The following ZBTB11 variants were observed in gnomAD, a reference collection of about 807,000 sequenced individuals.
ZBTB11 encodes the protein zinc finger and BTB domain-containing protein 11.
Under a neutral mutation model 113.1 loss-of-function variants are expected in ZBTB11, and 68 were observed. That is an observed-to-expected ratio of 0.60 (90% CI 0.49 to 0.74). The LOEUF (loss-of-function observed/expected upper bound fraction) is 0.74, where lower values mean the gene tolerates loss of function less well. Ranked by LOEUF, ZBTB11 falls within the 30% of genes least tolerant of loss-of-function variation. ZBTB11 has a pLI of 0.00. For missense variants in ZBTB11, 1,104 were observed against 1,279.4 expected (o/e 0.86, Z 2.09); for synonymous variants, 518 against 452.6 (o/e 1.14, Z -1.83).
chr3:101,659,751 T>C (rs1936855705), intron 6 of ZBTB11, 32 bp downstream of exon 6: 1 of 1,610,174 alleles, frequency 6.2e-7, no homozygotes, highest in Non-Finnish European at 8.5e-7. Context: ...TCTAATGTTC[T>C]TTAAATAGCA....
rs558794207 is a variant in ZBTB11, at chr3:101,649,962, T to C, written c.*1204A>G. ...TAGTTTCCCAGAGAGAAATGTGGCATCTCTCATGGTTATTTTCAAAGTCAG... is the reference window on the plus strand; with the variant it reads ...TAGTTTCCCAGAGAGAAATGTGGCACCTCTCATGGTTATTTTCAAAGTCAG... On this transcript the variant is annotated 3_prime_UTR_variant, in exon 11 of 11. Coordinates refer to ENST00000312938, the MANE Select transcript of ZBTB11 (RefSeq NM_014415.4). 1 of 152,642 alleles carries C rather than the reference T, an allele frequency of 6.6e-6. No individual in the cohort carries two copies. The highest frequency in any genetic ancestry group is 1.5e-5 in the Non-Finnish European group (1 of 68,006). 9.5% of individuals were successfully genotyped at this position (152,642 alleles called of 1,614,324 possible).
rs755356274 is a variant in ZBTB11, at chr3:101,665,393, T to C, written c.1194A>G (p.Ser398=). 6.2e-7 allele frequency: 1 copy of C among 1,614,212 alleles called. No individual in the cohort carries two copies. The highest frequency in any genetic ancestry group is 8.5e-7 in the Non-Finnish European group (1 of 1,180,028). Residue 398 remains serine (S), a synonymous_variant, in exon 4 of 11, where the codon TCA becomes TCG. Coordinates refer to ENST00000312938, the MANE Select transcript of ZBTB11 (RefSeq NM_014415.4). ...VSSEAESALS[S]VGCIADSHPE... Reference sequence around the variant, plus strand: ...GATGGGAATCAGCTATACATCCTACTGATGACAGGGCAGATTCAGCCTCTG... The same window carrying C: ...GATGGGAATCAGCTATACATCCTACCGATGACAGGGCAGATTCAGCCTCTG...
intron 1 of ZBTB11, among the ~76,000 whole-genome samples, chr3:101,672,675 C>T (rs1391927126): frequency 6.6e-6 from 1 of 152,222 alleles, no homozygotes; most frequent in African/African-American, 2.4e-5. Flanking sequence ...TGAGATTGTG[C>T]CACTGCACTC....
In ZBTB11 at chr3:101,655,067, C is replaced by T. The variant is rs187178916; in HGVS notation, c.2192-246G>A. Among the ~76,000 whole-genome samples, 11 of 152,116 alleles carry T rather than the reference C, an allele frequency of 7.2e-5. 1 individual carries two copies. The East Asian group carries it at 1.7e-3, about 24-fold the overall frequency. ...TAATTTTTTGTATTTTTAGTAGAGA[C>T]GGGTTTCACCATGTTAGCCAGGAGC... is the stretch of plus-strand genomic sequence containing the variant. On this transcript the variant is annotated intron_variant, in intron 7 of 10. Transcript: ENST00000312938.
chr3:101,676,386 A>C (rs2108331068), intron 1 of ZBTB11: 1 of 461,620 alleles, frequency 2.2e-6, no homozygotes. Context: ...CCTTGGTCCC[A>C]CCCAGGGCCA....
rs56200814 is a variant in ZBTB11, at chr3:101,651,685, T to TAAA, written c.2645-5_2645-3dup. 4.3e-4 allele frequency: 582 copies of TAAA among 1,349,920 alleles called. No homozygotes were observed. The highest frequency in any genetic ancestry group is 1.4e-3 in the South Asian group (77 of 53,666). The allele number at this position is 1,349,920 out of a possible 1,614,324, so 83.6% of individuals were successfully genotyped here. A position where few individuals can be genotyped will look rare whatever the true frequency, so the allele number is the denominator to read the frequency against. On this transcript the variant is annotated splice_region_variant and splice_polypyrimidine_tract_variant and intron_variant, in intron 10 of 10. Transcript: ENST00000312938. ...TTAAGCACTCAAATGGCTTAACTCC[T>TAAA]AAAAAAAAAAAAAAAAAAGCATGTG...
chr3:101,655,622 T>A (rs986524444), intron 7 of ZBTB11, among the ~76,000 whole-genome samples: 6 of 152,146 alleles, frequency 3.9e-5, no homozygotes, highest in Non-Finnish European at 5.9e-5. Flanking sequence ...CAATGAATAT[T>A]CCATACACAA....
At chr3:101,671,096 C>T in intron 3 of ZBTB11, 34 bp downstream of exon 3, 1 of 1,569,594 alleles carries the variant, frequency 6.4e-7, no homozygotes, top group East Asian at 2.2e-5. Context: ...AATGTCATTA[C>T]AAACAAAAAG....
intron 3 of ZBTB11, among the ~76,000 whole-genome samples, chr3:101,667,603 G>A (rs146535088): frequency 4.6e-5 from 7 of 152,004 alleles, no homozygotes; most frequent in African/African-American, 7.3e-5. Context: ...AAAACTGAGG[G>A]GACTCCCCAC....
Position 101,658,600 on chromosome 3 carries a change from G to A in ZBTB11, c.2046+1183C>T, listed in dbSNP as rs138984173. 1.4e-4 allele frequency among the ~76,000 whole-genome samples: 21 copies of A among 152,022 alleles called. No individual in the cohort carries two copies. The East Asian group carries it at 1.7e-3, about 13-fold the overall frequency. ...ATGCAGTGGTGCCACCTCGGCTCAC[G>A]GCAACCACCACCTCCCAGGTTCAAA... is the stretch of plus-strand genomic sequence containing the variant. On this transcript the variant is annotated intron_variant, in intron 6 of 10. Transcript: ENST00000312938.
At chr3:101,663,144 T>C (rs1189212488) in intron 5 of ZBTB11, among the ~76,000 whole-genome samples, 3 of 152,194 alleles carry the variant, frequency 2.0e-5, no homozygotes, top group Middle Eastern at 3.4e-3. Context: ...TTCACCATGT[T>C]AGTCAGGATA....
At chr3:101,676,538 C>A in intron 1 of ZBTB11, 67 bp downstream of exon 1, 3 of 1,417,692 alleles carry the variant, frequency 2.1e-6, no homozygotes, top group Non-Finnish European at 2.8e-6. Flanking sequence ...ACGCATAGGC[C>A]TCGCCAGCGA....
At chr3:101,673,858 A>G (rs1405862126) in intron 1 of ZBTB11, among the ~76,000 whole-genome samples, 1 of 152,154 alleles carries the variant, frequency 6.6e-6, no homozygotes, top group Admixed American at 6.5e-5. Context: ...TATTCAAGCA[A>G]TATTTTCCAA....
rs781657078 is a variant in ZBTB11, at chr3:101,650,561, T to C, written c.*605A>G. On this transcript the variant is annotated 3_prime_UTR_variant, in exon 11 of 11. Coordinates refer to ENST00000312938, the MANE Select transcript of ZBTB11 (RefSeq NM_014415.4). ...ATATTGTGCAAACTTGATTACAACA[T>C]GTAACTCATAAGTGCTTTAAAATAG... 1.3e-5 allele frequency: 2 copies of C among 152,612 alleles called. No individual in the cohort carries two copies. The highest frequency in any genetic ancestry group is 2.4e-5 in the African/African-American group (1 of 41,450). 9.5% of individuals were successfully genotyped at this position (152,612 alleles called of 1,614,324 possible).
At chr3:101,663,594 T>G (rs1936929400) in intron 5 of ZBTB11, among the ~76,000 whole-genome samples, 1 of 151,966 alleles carries the variant, frequency 6.6e-6, no homozygotes, top group South Asian at 2.1e-4. Context: ...GGGACTTGAG[T>G]AAAGAAAGAC....
intron 2 of ZBTB11, 101 bp from the exon 3 acceptor site, chr3:101,671,462 T>C: frequency 1.2e-6 from 1 of 807,340 alleles, no homozygotes; most frequent in South Asian, 1.7e-5. Flanking sequence ...TTTTACCAGG[T>C]ATGAATAATT....
intron 5 of ZBTB11, among the ~76,000 whole-genome samples, chr3:101,661,233 CAAAA>C (rs36039635): frequency 1.1e-4 from 12 of 107,220 alleles, no homozygotes; most frequent in South Asian, 3.4e-4. Context: ...GACCCTGTCT[CAAAA>C]AAAAAAAAAA....
At chr3:101,667,439 T>G (rs1263482581) in intron 3 of ZBTB11, among the ~76,000 whole-genome samples, 1 of 152,252 alleles carries the variant, frequency 6.6e-6, no homozygotes. Flanking sequence ...TCTTAGAGAT[T>G]TTTAAATATA....
Position 101,650,929 on chromosome 3 carries a change from G to A in ZBTB11, c.*237C>T. On this transcript the variant is annotated 3_prime_UTR_variant, in exon 11 of 11. Coordinates refer to ENST00000312938, the MANE Select transcript of ZBTB11 (RefSeq NM_014415.4). ...GATAAACCACTGCCATCAAATATTAGGTTGGTGCAAAAGCAATTGCACCAA... is the reference window on the plus strand; with the variant it reads ...GATAAACCACTGCCATCAAATATTAAGTTGGTGCAAAAGCAATTGCACCAA... 1 of 350,740 alleles carries A rather than the reference G, an allele frequency of 2.9e-6. No individual in the cohort carries two copies. The highest frequency in any genetic ancestry group is 5.1e-6 in the Non-Finnish European group (1 of 194,358). The allele number at this position is 350,740 out of a possible 1,614,324, so 21.7% of individuals were successfully genotyped here.
Sources: allele counts gnomAD v4.1 joint callset (sites outside exome capture counted in the v4.1 genomes callset), GRCh38; gene constraint gnomAD v4.1.1; transcripts MANE v1.5; gene names NCBI Gene and HGNC (gene_info 2026-07-23, HGNC 2026-07-21).